The following STAT2 variants were observed in gnomAD, a reference collection of about 807,000 sequenced individuals.
STAT2 encodes interferon alpha induced transcriptional activator.
In STAT2, 51 loss-of-function variants were observed where a neutral mutation model predicts 122.3. The observed-to-expected ratio is 0.42, with a 90% confidence interval of 0.33 to 0.53. The LOEUF (loss-of-function observed/expected upper bound fraction) is 0.53, where lower values mean the gene tolerates loss of function less well. Ranked by LOEUF, STAT2 falls within the 20% of genes least tolerant of loss-of-function variation. STAT2 has a pLI of 0.10. For synonymous variants in STAT2, 351 were observed against 394.9 expected, an observed-to-expected ratio of 0.89 and a Z score of 1.32; for missense variants, 736 against 1,010.3, an observed-to-expected ratio of 0.73 and a Z score of 3.68.
Position 56,356,252 on chromosome 12 carries a change from C to T in STAT2, c.165G>A (p.Lys55=), listed in dbSNP as rs199622368. 1.1e-3 allele frequency: 1,768 copies of T among 1,612,648 alleles called. 34 individuals are homozygous for T. The South Asian group carries it at 0.018, about 17-fold the overall frequency. ...AGAAGTGGAAGAATAGCATGGTAGCCTTGGAATCATCACTCCCAAGTGCAG... is the reference window on the plus strand; with the variant it reads ...AGAAGTGGAAGAATAGCATGGTAGCTTTGGAATCATCACTCCCAAGTGCAG... ...QEAALGSDDS[K]ATMLFFHFLD... Residue 55 remains lysine (K), a synonymous_variant, in exon 3 of 24, where the codon AAG becomes AAA. Coordinates refer to ENST00000314128, the MANE Select transcript of STAT2 (RefSeq NM_005419.4).
Position 56,343,811 on chromosome 12 carries a change from A to G in STAT2, c.2413+14T>C. 1 of 1,613,180 alleles carries G rather than the reference A, an allele frequency of 6.2e-7. No individual in the cohort carries two copies. The highest frequency in any genetic ancestry group is 8.5e-7 in the Non-Finnish European group (1 of 1,179,130). On this transcript the variant is annotated intron_variant, in intron 23 of 23. Transcript: ENST00000314128. ...AATGTGTGCCATCTTCCATAGCTCCATCTCATCACTTACTTTCCATTGGCT... is the reference window on the plus strand; with the variant it reads ...AATGTGTGCCATCTTCCATAGCTCCGTCTCATCACTTACTTTCCATTGGCT...
chr12:56,348,520 A>T lies in STAT2; in HGVS notation c.1724+9T>A, dbSNP rs1431272824. The stretch of plus-strand genomic sequence containing the variant: ...CAAGCCCATGAGGGAAGGGTGACCA[A>T]GGCCTTACCCATCATTCCAGAGATC... On this transcript the variant is annotated intron_variant, in intron 19 of 23. Coordinates refer to ENST00000314128, the MANE Select transcript of STAT2 (RefSeq NM_005419.4). 1 of 1,613,874 alleles carries T rather than the reference A, an allele frequency of 6.2e-7. No homozygotes were observed. The highest frequency in any genetic ancestry group is 8.5e-7 in the Non-Finnish European group (1 of 1,179,876).
intron 16 of STAT2, 30 bp from the exon 17 acceptor site, chr12:56,349,089 T>C (rs1347025948): frequency 6.2e-7 from 1 of 1,613,524 alleles, no homozygotes. Flanking sequence ...GTAGGCTGGC[T>C]CAGAAGCAAC....
rs375249113 is a variant in STAT2, at chr12:56,350,861, A to G, written c.1062T>C (p.Asn354=). ...TGGAGACTTCCACAGTCAGTGACTC[A>G]TTGCCTTCCTGGAGTCTCACCAGCA... ...TRLLVRLQEG[N]ESLTVEVSID... Residue 354 remains asparagine (N), a synonymous_variant, in exon 11 of 24, where the codon AAT becomes AAC. Transcript: ENST00000314128. 213 of 1,613,990 alleles carry G rather than the reference A, an allele frequency of 1.3e-4. No homozygotes were observed. The highest frequency in any genetic ancestry group is 1.7e-4 in the Non-Finnish European group (203 of 1,180,036).
intron 13 of STAT2, 90 bp downstream of exon 13, chr12:56,350,007 C>T: frequency 8.5e-7 from 1 of 1,179,682 alleles, no homozygotes. Context: ...CAAGATGGCA[C>T]CACTGCACTC....
rs142439434 is a variant in STAT2, at chr12:56,350,416, G to C, written c.1111C>G (p.Gln371Glu). Residue 371 changes from glutamine (Q) to glutamate (E), a missense_variant, in exon 12 of 24, where the codon CAA becomes GAA. Gln to Glu is a conservative substitution (Grantham distance 29). Transcript: ENST00000314128. ...GTGTCCTTGTCAAGCACCTACCCTT[G>C]TAATTGAGGAGGATTCCTGAAAAGA... ...VSIDRNPPQL[Q>E]GFRKFNILTS... The C allele has an allele frequency of 1.2e-4, 198 of 1,606,586 alleles. No individual in the cohort carries two copies. Among genetic ancestry groups the C allele is most frequent in the Non-Finnish European group, 2.8e-5 (33 of 1,177,604 alleles).
chr12:56,343,392 G>C lies in STAT2; in HGVS notation c.2553C>G (p.Phe851Leu). The C allele has an allele frequency of 6.2e-7, 1 of 1,612,772 alleles. No individual in the cohort carries two copies. The highest frequency in any genetic ancestry group is 8.5e-7 in the Non-Finnish European group (1 of 1,179,128). Residue 851 changes from phenylalanine to leucine, a missense_variant, in exon 24 of 24, where the codon TTC becomes TTG. Phe to Leu is a conservative substitution (Grantham distance 22). Coordinates refer to ENST00000314128, the MANE Select transcript of STAT2 (RefSeq NM_005419.4). ...AAGAACAGAGGAAATGTGGTTCCTA[G>C]AAGTCAGAAGGCATCAAGGGTCCAT... ...YTDGPLMPSD[F>L]
At position 56,355,720 on chromosome 12, in the gene STAT2, C is replaced by G; in HGVS notation, c.369G>C (p.Gln123His). 6.2e-7 allele frequency: 1 copy of G among 1,614,132 alleles called. No homozygotes were observed. Among genetic ancestry groups the G allele is most frequent in the South Asian group, 1.1e-5 (1 of 91,074 alleles). ...GAATTGTCCTCACCAATTGGGCCCT[C>G]TGAGCCTGGATCAAAATTCTTTTTT... ...LEEKRILIQA[Q>H]RAQLEQGEPV... Residue 123 changes from glutamine (Q) to histidine (H), a missense_variant, in exon 4 of 24, where the codon CAG becomes CAC. By Grantham distance (24) the Gln-to-His change is conservative. Transcript: ENST00000314128.
intron 22 of STAT2, among the ~76,000 whole-genome samples, chr12:56,344,963 G>A (rs540669148): frequency 1.3e-4 from 20 of 151,350 alleles, no homozygotes; most frequent in African/African-American, 4.1e-4. Flanking sequence ...AGCTGAGATC[G>A]TGCCACTGCA....
intron 8 of STAT2, among the ~76,000 whole-genome samples, chr12:56,353,142 C>G (rs947377466): frequency 1.3e-5 from 2 of 152,172 alleles, no homozygotes; most frequent in Non-Finnish European, 2.9e-5. Context: ...CGCCACCACA[C>G]CTGGCAAATT....
At chr12:56,353,847 C>T (rs1164812189) in intron 8 of STAT2, among the ~76,000 whole-genome samples, 1 of 149,422 alleles carries the variant, frequency 6.7e-6, no homozygotes, top group Non-Finnish European at 1.5e-5. Context: ...TACAAAAAAA[C>T]TAGCCAGGCA....
rs754460974 is a variant in STAT2, at chr12:56,351,262, TC to T, written c.941+29del. 3.2e-5 allele frequency: 51 copies of T among 1,612,284 alleles called. No individual in the cohort carries two copies. In the Middle Eastern group the frequency reaches 5.0e-4, roughly 16 times the overall value. The stretch of plus-strand genomic sequence containing the variant: ...AGAATGGCTTCCCTTGTTCCTTCTT[TC>T]CCCCAGGGTTCCTGCCTGGCCTCTA... On this transcript the variant is annotated intron_variant, in intron 9 of 23. Coordinates refer to ENST00000314128, the MANE Select transcript of STAT2 (RefSeq NM_005419.4).
rs1555171512 is a variant in STAT2 at position 56,354,016 on chromosome 12, A to AATAT, written c.782+446_782+449dup. On this transcript the variant is annotated intron_variant, in intron 8 of 23. Coordinates refer to ENST00000314128, the MANE Select transcript of STAT2 (RefSeq NM_005419.4). ...GTCTCAAAAAAAAAAAAAAAAAAAA[A>AATAT]ATATATATATATATATATATATATA... Among the ~76,000 whole-genome samples the AATAT allele has an allele frequency of 6.0e-4, 10 of 16,696 alleles. 2 individuals are homozygous for AATAT. Among genetic ancestry groups the AATAT allele is most frequent in the Non-Finnish European group, 1.1e-3 (7 of 6,194 alleles). 11.0% of individuals were successfully genotyped at this position (16,696 alleles called of 152,430 possible).
In STAT2 at chr12:56,360,059, T is replaced by C; in HGVS notation, c.-9A>G. The C allele has an allele frequency of 1.0e-6, 1 of 984,910 alleles. No homozygotes were observed. Among genetic ancestry groups the C allele is most frequent in the Non-Finnish European group, 1.2e-6 (1 of 829,804 alleles). The allele number at this position is 984,910 out of a possible 1,614,324, so 61.0% of individuals were successfully genotyped here. A position where few individuals can be genotyped will look rare whatever the true frequency, so the allele number is the denominator to read the frequency against. On this transcript the variant is annotated splice_region_variant and 5_prime_UTR_variant, in exon 1 of 24. Coordinates refer to ENST00000314128, the MANE Select transcript of STAT2 (RefSeq NM_005419.4). Reference sequence around the variant, plus strand: ...AGCACACCCTCTCAGGGCCCGTACCTGATTAGGGTTGCAGTCCCCGCGCCC... The same window carrying C: ...AGCACACCCTCTCAGGGCCCGTACCCGATTAGGGTTGCAGTCCCCGCGCCC...
intron 6 of STAT2, 175 bp from the exon 7 acceptor site, chr12:56,355,038 C>G: frequency 1.4e-6 from 1 of 733,844 alleles, no homozygotes; most frequent in South Asian, 1.8e-5. Context: ...GGACCAGACA[C>G]CCCCTCAAAT....
At chr12:56,355,210 T>C (rs1592488789) in intron 6 of STAT2, 66 bp downstream of exon 6, 2 of 1,579,180 alleles carry the variant, frequency 1.3e-6, no homozygotes, top group East Asian at 4.5e-5. Context: ...CTTTCTCCTG[T>C]TCACTTCCAG....
rs1876717271 is a variant in STAT2 at position 56,342,407 on chromosome 12, T to C, written c.*982A>G. ...ACTTGAGCCCAGTTCAAGACCAGCCTGGGCAATATAGCAAGACCCTGTCTT... is the reference window on the plus strand; with the variant it reads ...ACTTGAGCCCAGTTCAAGACCAGCCCGGGCAATATAGCAAGACCCTGTCTT... On this transcript the variant is annotated 3_prime_UTR_variant, in exon 24 of 24. Transcript: ENST00000314128. 1 of 151,468 alleles carries C rather than the reference T, an allele frequency of 6.6e-6. No homozygotes were observed. Among genetic ancestry groups the C allele is most frequent in the African/African-American group, 2.4e-5 (1 of 41,100 alleles). 9.4% of individuals were successfully genotyped at this position (151,468 alleles called of 1,614,324 possible). A position where few individuals can be genotyped will look rare whatever the true frequency, so the allele number is the denominator to read the frequency against.
rs895506870 is a variant in STAT2 at position 56,346,614 on chromosome 12, G to A, written c.1872C>T (p.Leu624=). The A allele has an allele frequency of 3.7e-6, 6 of 1,614,162 alleles. No individual in the cohort carries two copies. Among genetic ancestry groups the A allele is most frequent in the South Asian group, 2.2e-5 (2 of 91,074 alleles). Residue 624 remains leucine, a synonymous_variant, in exon 21 of 24, where the codon CTC becomes CTT. Coordinates refer to ENST00000314128, the MANE Select transcript of STAT2 (RefSeq NM_005419.4). The part of the protein sequence containing the change: ...WVEHQDDDKV[L]IYSVQPYTKE... ...TCGTGTACGGTTGCACAGAGTAGAT[G>A]AGCACCTTGTCTGGAGAGTGAATGC... is the stretch of plus-strand genomic sequence containing the variant.
At chr12:56,349,659 G>GA in intron 13 of STAT2, 23 bp from the exon 14 acceptor site, 1 of 1,614,152 alleles carries the variant, frequency 6.2e-7, no homozygotes, top group African/African-American at 1.3e-5. Flanking sequence ...GGGAAGGAGA[G>GA]AAAATGCCAG....
Sources: allele counts gnomAD v4.1 joint callset (sites outside exome capture counted in the v4.1 genomes callset), GRCh38; gene constraint gnomAD v4.1.1; transcripts MANE v1.5; gene names NCBI Gene and HGNC (gene_info 2026-07-23, HGNC 2026-07-21).